Variants in ADCY8 observed in about 807,000 individuals in gnomAD.
ADCY8 encodes the protein adenylate cyclase 8, also known as adenylate cyclase type 8.
A neutral mutation model predicts 119.7 loss-of-function variants in ADCY8; 51 were observed. The ratio of observed to expected loss-of-function variants is 0.43; its 90% CI spans 0.34 to 0.54. The LOEUF is 0.54. Among genes scored for constraint, ADCY8 ranks in the 20% least tolerant of loss-of-function variants. The pLI is 0.03. For synonymous variants in ADCY8, 665 were observed against 651.0 expected (o/e 1.02, Z -0.33); for missense variants, 1,383 against 1,598.8 (o/e 0.87, Z 2.30).
At chr8:131,033,525 G>C (rs1428980635) in intron 1 of ADCY8, among the ~76,000 whole-genome samples, 1 of 152,078 alleles carries the variant, frequency 6.6e-6, no homozygotes, top group Admixed American at 6.6e-5. Context: ...ATTATGCTCT[G>C]ACCTGCTGAT....
intron 2 of ADCY8, among the ~76,000 whole-genome samples, chr8:130,975,678 A>C (rs1367631140): frequency 6.6e-6 from 1 of 152,028 alleles, no homozygotes; most frequent in Non-Finnish European, 1.5e-5. Flanking sequence ...ACGTAAAGTT[A>C]CATTCTTTGC....
At chr8:130,845,172 A>G (rs1055161579) in intron 11 of ADCY8, among the ~76,000 whole-genome samples, 3 of 152,152 alleles carry the variant, frequency 2.0e-5, no homozygotes, top group Non-Finnish European at 4.4e-5. Context: ...GTGATCAAAA[A>G]TCTTACCCAC....
chr8:130,817,765 T>C (rs1005162133), intron 13 of ADCY8, among the ~76,000 whole-genome samples: 1 of 152,202 alleles, frequency 6.6e-6, no homozygotes, highest in Non-Finnish European at 1.5e-5. Context: ...AACAAACTTA[T>C]AGGGAAAAAA....
chr8:130,846,957 T>C (rs928549454), intron 11 of ADCY8, among the ~76,000 whole-genome samples: 2 of 144,860 alleles, frequency 1.4e-5, no homozygotes, highest in African/African-American at 2.6e-5. Context: ...TTCCTTCCTT[T>C]GTTCCTTAAT....
At chr8:131,035,762 A>G (rs576843063) in intron 1 of ADCY8, among the ~76,000 whole-genome samples, 1 of 152,284 alleles carries the variant, frequency 6.6e-6, no homozygotes, top group Admixed American at 6.5e-5. Flanking sequence ...TGCTAACTCT[A>G]TACTCCCATT....
chr8:130,800,669 G>T, intron 14 of ADCY8, 97 bp from the exon 15 acceptor site: 2 of 1,330,942 alleles, frequency 1.5e-6, no homozygotes, highest in South Asian at 1.3e-5. Flanking sequence ...CACGTGCACA[G>T]TCACCCACAG....
intron 15 of ADCY8, among the ~76,000 whole-genome samples, chr8:130,788,649 T>G (rs1283873790): frequency 2.6e-5 from 4 of 152,184 alleles, no homozygotes; most frequent in African/African-American, 7.2e-5. Context: ...TTATCACAAA[T>G]AAATGATAAA....
At position 131,005,146 on chromosome 8, in the gene ADCY8, C is replaced by G. The variant is rs541367093; in HGVS notation, c.961-14604G>C. ...CCTTATCACCTAAAGTTACTGAGAG[C>G]ATAAAATGAAGCAGAACTTGTCAAA... On this transcript the variant is annotated intron_variant, in intron 1 of 17. Transcript: ENST00000286355. Among the ~76,000 whole-genome samples the G allele has an allele frequency of 2.0e-5, 3 of 152,252 alleles. No individual in the cohort carries two copies. In the South Asian group the frequency reaches 6.2e-4, roughly 32 times the overall value.
intron 10 of ADCY8, among the ~76,000 whole-genome samples, chr8:130,848,036 T>G (rs1162177341): frequency 2.0e-5 from 3 of 152,214 alleles, no homozygotes; most frequent in Non-Finnish European, 2.9e-5. Context: ...GCCTCCTCTG[T>G]GCCAGACACT....
intron 2 of ADCY8, among the ~76,000 whole-genome samples, chr8:130,960,819 G>T (rs182294968): frequency 8.7e-4 from 132 of 152,228 alleles, no homozygotes; most frequent in Non-Finnish European, 1.8e-3. Flanking sequence ...AGACTGTGGT[G>T]ATCATATATG....
Position 131,040,000 on chromosome 8 carries a change from G to C in ADCY8, c.334C>G (p.Arg112Gly). The change falls in exon 1 of 18, where the codon CGC becomes GGC. Residue 112 changes from arginine (R) to glycine (G), a missense_variant. Physicochemically the swap from Arg to Gly is moderately radical, Grantham distance 125. Coordinates refer to ENST00000286355, the MANE Select transcript of ADCY8 (RefSeq NM_001115.3). ...STCGTKVFPE[R>G]SGSGSASGSG... ...CCGCTGGCACTGCCGCTCCCGCTGC[G>C]TTCCGGGAAGACTTTGGTGCCGCAG... 6.4e-7 allele frequency: 1 copy of C among 1,565,262 alleles called. No individual in the cohort carries two copies. The highest frequency in any genetic ancestry group is 8.6e-7 in the Non-Finnish European group (1 of 1,157,046).
intron 5 of ADCY8, among the ~76,000 whole-genome samples, chr8:130,910,517 A>G (rs762498782): frequency 3.3e-5 from 5 of 151,990 alleles, no homozygotes; most frequent in Non-Finnish European, 7.4e-5. Context: ...TCTAAACACA[A>G]ATGTGACCTC....
intron 5 of ADCY8, among the ~76,000 whole-genome samples, chr8:130,916,749 C>T (rs146634876): frequency 1.6e-4 from 24 of 152,344 alleles, no homozygotes; most frequent in East Asian, 7.7e-4. Flanking sequence ...GCAATTAATT[C>T]GGCCCATCCC....
At chr8:130,794,081 T>A (rs2130084483) in intron 15 of ADCY8, among the ~76,000 whole-genome samples, 1 of 152,060 alleles carries the variant, frequency 6.6e-6, no homozygotes, top group Middle Eastern at 3.4e-3. Context: ...GGAAAGAAAT[T>A]GGAATCATGC....
At position 130,867,874 on chromosome 8, in the gene ADCY8, C is replaced by T; in HGVS notation, c.2182G>A (p.Ala728Thr). Reference protein sequence around the residue: ...CAFIVLLFITAIQSLLPSSRV... With the variant: ...CAFIVLLFITTIQSLLPSSRV... ...GAAGAAGGAAGCAAACTTTGTATTG[C>T]CGTGATAAATAGAAGAACGATAAAT... The change falls in exon 9 of 18, where the codon GCA (alanine) becomes ACA (threonine). Residue 728 changes from alanine (A) to threonine (T), a missense_variant. Ala to Thr is a moderately conservative substitution (Grantham distance 58). Around this residue, in one of 2 missense-constraint regions of ADCY8, gnomAD observed 928 missense variants for 1,163.5 expected, o/e 0.80. Coordinates refer to ENST00000286355, the MANE Select transcript of ADCY8 (RefSeq NM_001115.3). The T allele has an allele frequency of 1.2e-6, 2 of 1,611,420 alleles. No individual in the cohort carries two copies. The highest frequency in any genetic ancestry group is 1.7e-6 in the Non-Finnish European group (2 of 1,178,616).
intron 15 of ADCY8, among the ~76,000 whole-genome samples, chr8:130,787,631 C>A (rs1387196948): frequency 3.3e-5 from 5 of 152,132 alleles, no homozygotes; most frequent in Non-Finnish European, 2.9e-5. Context: ...TGTATGTCTA[C>A]ATGTGTACAG....
rs946054327 is a variant in ADCY8 at position 131,022,949 on chromosome 8, C to A, written c.960+16425G>T. Among the ~76,000 whole-genome samples the A allele has an allele frequency of 5.0e-4, 76 of 152,120 alleles. 1 individual carries two copies. The highest frequency in any genetic ancestry group is 1.6e-3 in the African/African-American group (68 of 41,428). ...TATTTAAATGACCACTCAGCATGTA[C>A]AGGGTGGTGATGGTGAGAGTCAGTG... On this transcript the variant is annotated intron_variant, in intron 1 of 17. Transcript: ENST00000286355.
chr8:130,814,313 G>C (rs141958955), intron 13 of ADCY8, 86 bp from the exon 14 acceptor site: 10 of 1,433,268 alleles, frequency 7.0e-6, no homozygotes, highest in South Asian at 5.1e-5. Context: ...GGCAGGAAAG[G>C]CTTCTCTGGA....
intron 4 of ADCY8, among the ~76,000 whole-genome samples, chr8:130,942,727 G>C (rs1563738286): frequency 6.6e-6 from 1 of 152,188 alleles, no homozygotes; most frequent in Non-Finnish European, 1.5e-5. Flanking sequence ...AGCCCACTCT[G>C]AAGTACAGCG....
Sources: allele counts gnomAD v4.1 joint callset (sites outside exome capture counted in the v4.1 genomes callset), GRCh38; gene constraint gnomAD v4.1.1; regional missense constraint gnomAD v4.1.1; transcripts MANE v1.5; gene names NCBI Gene and HGNC (gene_info 2026-07-23, HGNC 2026-07-21).